CLNK: variants seen among roughly 807,000 people sequenced by gnomAD.
CLNK encodes the protein cytokine-dependent hematopoietic cell linker.
Under a neutral mutation model 68.6 loss-of-function variants are expected in CLNK, and 74 were observed. The observed-to-expected ratio is 1.08, with a 90% CI of 0.89 to 1.31. The LOEUF is 1.31. Among genes scored for constraint, CLNK ranks in the 50% most tolerant of loss-of-function variants. The pLI is 0.00. For missense variants in CLNK, 553 were observed against 515.3 expected (o/e 1.07, Z -0.71); for synonymous variants, 198 against 172.2 (o/e 1.15, Z -1.17).
chr4:10,502,557 A>G (rs901751989), intron 17 of CLNK, among the ~76,000 whole-genome samples: 1 of 151,608 alleles, frequency 6.6e-6, no homozygotes, highest in Non-Finnish European at 1.5e-5. Flanking sequence ...TCATCTCTCA[A>G]TGTTCACATA....
intron 18 of CLNK, among the ~76,000 whole-genome samples, chr4:10,494,047 G>A (rs1716705795): frequency 6.6e-6 from 1 of 152,208 alleles, no homozygotes; most frequent in Non-Finnish European, 1.5e-5. Context: ...AGAGAGCAAT[G>A]CAATCACCAA....
chr4:10,586,364 T>C (rs1274591573), intron 3 of CLNK, among the ~76,000 whole-genome samples: 6 of 146,272 alleles, frequency 4.1e-5, no homozygotes, highest in Non-Finnish European at 9.0e-5. Context: ...TGAGACAGAG[T>C]CTCTGTCACC....
rs776858418 is a variant in CLNK, at chr4:10,540,505, C to T, written c.591G>A (p.Gln197=). 1.2e-6 allele frequency: 2 copies of T among 1,611,896 alleles called. No individual in the cohort carries two copies. The highest frequency in any genetic ancestry group is 1.1e-5 in the South Asian group (1 of 91,044). Residue 197 remains glutamine, a synonymous_variant, in exon 11 of 19, where the codon CAG becomes CAA. Transcript: ENST00000226951. The part of the protein sequence containing the change: ...LSQRHTFPEV[Q]RMPSQISLRD... ...GATGAATCTCTCACCTGGGCATTCT[C>T]TGGACTTCTGGAAAGGTGTGTCTCT...
intron 8 of CLNK, among the ~76,000 whole-genome samples, chr4:10,546,169 G>A (rs1719224260): frequency 6.6e-6 from 1 of 152,110 alleles, no homozygotes; most frequent in East Asian, 1.9e-4. Context: ...TATACCCTTG[G>A]TTTTCTCCTC....
the CLNK span, among the ~76,000 whole-genome samples, chr4:10,699,512 A>ATATATATATATATATATT: frequency 2.1e-4 from 7 of 32,750 alleles, no homozygotes; most frequent in African/African-American, 6.9e-4. Context: ...ATATATATAT[A>ATATATATATATATATATT]TTTTTTTTTT....
At chr4:10,621,703 G>A (rs562068111) in intron 2 of CLNK, among the ~76,000 whole-genome samples, 9 of 152,342 alleles carry the variant, frequency 5.9e-5, no homozygotes, top group Non-Finnish European at 1.2e-4. Flanking sequence ...AGGATGATGC[G>A]TGTGCTGCAA....
chr4:10,648,947 C>A (rs1723624300), intron 2 of CLNK, among the ~76,000 whole-genome samples: 1 of 152,054 alleles, frequency 6.6e-6, no homozygotes, highest in South Asian at 2.1e-4. Flanking sequence ...TATAGATTAG[C>A]CCTTGAATCC....
rs1354418965 is a variant in CLNK at position 10,513,462 on chromosome 4, A to G, written c.906+2T>C. ...GGACTTGGCAGAGAAGTGTCTGCTTACCTTTCTATCAGACCTTTTGGGGAA... is the reference window on the plus strand; with the variant it reads ...GGACTTGGCAGAGAAGTGTCTGCTTGCCTTTCTATCAGACCTTTTGGGGAA... On this transcript the variant is annotated splice_donor_variant, in intron 16 of 18. Coordinates refer to ENST00000226951, the MANE Select transcript of CLNK (RefSeq NM_052964.4). LOFTEE classifies it high-confidence loss of function. 1 of 1,610,518 alleles carries G rather than the reference A, an allele frequency of 6.2e-7. No homozygotes were observed. The highest frequency in any genetic ancestry group is 8.5e-7 in the Non-Finnish European group (1 of 1,178,408).
intron 3 of CLNK, among the ~76,000 whole-genome samples, chr4:10,592,927 A>G (rs1721230746): frequency 6.6e-6 from 1 of 152,024 alleles, no homozygotes; most frequent in African/African-American, 2.4e-5. Flanking sequence ...AGGTTTTGCC[A>G]TGTTGGCCAG....
the CLNK span, among the ~76,000 whole-genome samples, chr4:10,732,184 G>A: frequency 1.3e-5 from 2 of 152,156 alleles, no homozygotes; most frequent in South Asian, 4.1e-4. Flanking sequence ...ATGAGTTTAT[G>A]TAATTTCATT....
chr4:10,505,132 A>T (rs1243977248), intron 17 of CLNK, among the ~76,000 whole-genome samples: 1 of 152,172 alleles, frequency 6.6e-6, no homozygotes, highest in Non-Finnish European at 1.5e-5. Flanking sequence ...ATTAGCCAAG[A>T]TGGACAGCCA....
intron 1 of CLNK, among the ~76,000 whole-genome samples, chr4:10,677,837 C>CAATAATAATAATAATAATAATAATAAT (rs68067128): frequency 2.0e-5 from 3 of 149,104 alleles, no homozygotes; most frequent in Admixed American, 6.7e-5. Flanking sequence ...ATAAAAATAG[C>CAATAATAATAATAATAATAATAATAAT]AATAATAATA....
At chr4:10,510,632 C>A (rs1717537323) in intron 16 of CLNK, among the ~76,000 whole-genome samples, 2 of 152,262 alleles carry the variant, frequency 1.3e-5, no homozygotes, top group East Asian at 1.9e-4. Context: ...TCTATCCAGA[C>A]CTTAAGTCTG....
intron 4 of CLNK, among the ~76,000 whole-genome samples, chr4:10,572,745 G>C (rs1720399218): frequency 6.6e-6 from 1 of 152,150 alleles, no homozygotes; most frequent in African/African-American, 2.4e-5. Flanking sequence ...TTTCATCTAA[G>C]TATTGTGGAG....
the CLNK span, among the ~76,000 whole-genome samples, chr4:10,717,468 C>A: frequency 8.5e-4 from 130 of 152,300 alleles, 1 homozygote; most frequent in Middle Eastern, 3.4e-3. Flanking sequence ...TGGTTATGCA[C>A]GCCTGTAATT....
At chr4:10,638,836 GTAGCTGGCTGTCT>G (rs1249193523) in intron 2 of CLNK, among the ~76,000 whole-genome samples, 1 of 152,194 alleles carries the variant, frequency 6.6e-6, no homozygotes, top group South Asian at 2.1e-4. Context: ...TCTTTGGCTT[GTAGCTGGCTGTCT>G]TATTTCTGTG....
At chr4:10,583,317 G>A (rs367881261) in intron 4 of CLNK, among the ~76,000 whole-genome samples, 20 of 151,266 alleles carry the variant, frequency 1.3e-4, no homozygotes, top group South Asian at 8.4e-4. Context: ...TTGCTCTGTC[G>A]TCCACAGCGC....
intron 14 of CLNK, chr4:10,523,988 A>G (rs770962137): frequency 2.0e-4 from 69 of 349,442 alleles, no homozygotes; most frequent in Non-Finnish European, 5.8e-6. Context: ...TTGTGCCACT[A>G]CAAGACAGAA....
chr4:10,513,668 G>A, intron 15 of CLNK, 71 bp from the exon 16 acceptor site: 1 of 1,468,088 alleles, frequency 6.8e-7, no homozygotes, highest in South Asian at 1.3e-5. Flanking sequence ...CTCCAGAAAG[G>A]AGCTGAAACC....
Sources: gnomAD v4.1 joint callset for allele counts (sites outside exome capture counted in the v4.1 genomes callset) on GRCh38, gnomAD v4.1.1 for gene constraint, MANE v1.5 for transcripts, NCBI Gene and HGNC (gene_info 2026-07-23, HGNC 2026-07-21) for gene names.